Variants in TNPO2 observed in about 807,000 individuals in gnomAD.
TNPO2 encodes transportin-2.
TNPO2 carries 16 observed loss-of-function variants against 111.1 expected under a neutral mutation model. The ratio of observed to expected loss-of-function variants is 0.14; its 90% CI spans 0.10 to 0.22. The LOEUF (loss-of-function observed/expected upper bound fraction) is 0.22. Ranked by LOEUF, TNPO2 falls within the 10% of genes least tolerant of loss-of-function variation. TNPO2 has a pLI of 1.00. For missense variants in TNPO2, 530 were observed against 1,173.7 expected (o/e 0.45, Z 8.01); for synonymous variants, 481 against 475.8 (o/e 1.01, Z -0.14).
Position 12,702,726 on chromosome 19 carries a change from T to C in TNPO2, c.2305+97A>G, listed in dbSNP as rs1322075274. The C allele has an allele frequency of 1.5e-5, 17 of 1,125,070 alleles. No homozygotes were observed. The highest frequency in any genetic ancestry group is 2.3e-5 in the Non-Finnish European group (17 of 752,768). The allele number at this position is 1,125,070 out of a possible 1,614,324, so 69.7% of individuals were successfully genotyped here. A position where few individuals can be genotyped will look rare whatever the true frequency, so the allele number is the denominator to read the frequency against. ...AGGTACTTCCAGACACCCTCCTTGG[T>C]TCCTTGACAAGGCTCTTTCTGATGC... is the stretch of plus-strand genomic sequence containing the variant. On this transcript the variant is annotated intron_variant, in intron 21 of 25. Coordinates refer to ENST00000425528, the MANE Select transcript of TNPO2 (RefSeq NM_001382241.1). The surrounding 1 kb of genome is among the most constrained non-coding windows in gnomAD (Gnocchi z 5.5).
rs1257409211 is a variant in TNPO2, at chr19:12,701,727, G to A, written c.2511+25C>T. ...CCGCCCGAGCCCAGCGCCCGCGCCT[G>A]CCCTCAGAGCCCAGCTGCCCCAACC... On this transcript the variant is annotated intron_variant, in intron 23 of 25. Coordinates refer to ENST00000425528, the MANE Select transcript of TNPO2 (RefSeq NM_001382241.1). This position sits in a 1 kb window ranked among gnomAD's most constrained non-coding sequence, Gnocchi z 5.0. 1 of 1,613,024 alleles carries A rather than the reference G, an allele frequency of 6.2e-7. No individual in the cohort carries two copies. Among genetic ancestry groups the A allele is most frequent in the Admixed American group, 1.7e-5 (1 of 60,020 alleles).
At position 12,705,892 on chromosome 19, in the gene TNPO2, G is replaced by A; in HGVS notation, c.1669-124C>T. 1 of 756,674 alleles carries A rather than the reference G, an allele frequency of 1.3e-6. No individual in the cohort carries two copies. Among genetic ancestry groups the A allele is most frequent in the Non-Finnish European group, 2.1e-6 (1 of 479,918 alleles). 46.9% of individuals were successfully genotyped at this position (756,674 alleles called of 1,614,324 possible). On this transcript the variant is annotated intron_variant, in intron 15 of 25. Coordinates refer to ENST00000425528, the MANE Select transcript of TNPO2 (RefSeq NM_001382241.1). The surrounding 1 kb of genome is among the most constrained non-coding windows in gnomAD (Gnocchi z 7.2). The stretch of plus-strand genomic sequence containing the variant: ...TGGCTCATGGGACCCTGAAAGGCCT[G>A]CCATCTGGCCAGACCTCGAGGCCTT...
Position 12,706,895 on chromosome 19 carries a change from G to A in TNPO2, c.1271-100C>T. The A allele has an allele frequency of 1.0e-6, 1 of 1,000,648 alleles. No homozygotes were observed. The highest frequency in any genetic ancestry group is 1.5e-6 in the Non-Finnish European group (1 of 667,566). 62.0% of individuals were successfully genotyped at this position (1,000,648 alleles called of 1,614,324 possible). A position where few individuals can be genotyped will look rare whatever the true frequency, so the allele number is the denominator to read the frequency against. On this transcript the variant is annotated intron_variant, in intron 13 of 25. Transcript: ENST00000425528. The surrounding 1 kb of genome is among the most constrained non-coding windows in gnomAD (Gnocchi z 7.0). ...GCCGCACACAACATATAGGGAAACT[G>A]AGGCTTAGAGTTTAAATCACTGGCC...
chr19:12,701,417 T>C lies in TNPO2; in HGVS notation c.2623A>G (p.Asn875Asp), dbSNP rs1471516215. 6.2e-7 allele frequency: 1 copy of C among 1,613,952 alleles called. No individual in the cohort carries two copies. Among genetic ancestry groups the C allele is most frequent in the East Asian group, 2.2e-5 (1 of 44,868 alleles). The change falls in exon 25 of 26, where the codon AAC becomes GAC. Residue 875 changes from asparagine to aspartate, a missense_variant. Physicochemically the swap from Asn to Asp is conservative, Grantham distance 23. This residue lies in a region of TNPO2 where 103 missense variants were observed against 156.7 expected (regional missense o/e 0.66). Transcript: ENST00000425528. The surrounding 1 kb of genome is among the most constrained non-coding windows in gnomAD (Gnocchi z 5.0). ...AATTGCTCAGAGAACTGCTGCCAGT[T>C]ATCTTCCCCAACTTGGTCTTTGAAG... ...HGFKDQVGED[N>D]WQQFSEQFPP...
chr19:12,719,166 C>T lies in TNPO2; in HGVS notation c.188G>A (p.Arg63His). The T allele has an allele frequency of 6.2e-7, 1 of 1,613,888 alleles. No individual in the cohort carries two copies. The highest frequency in any genetic ancestry group is 8.5e-7 in the Non-Finnish European group (1 of 1,179,878). ...TRLKSEDEPT[R>H]SLSGLILKNN... is the part of the protein sequence containing the mutation. ...CTTGAGGATGAGGCCACTGAGAGAG[C>T]GCGTTGGCTCATCTGGGAGGAGGAA... is the stretch of plus-strand genomic sequence containing the variant. The change falls in exon 5 of 26, where the codon CGC becomes CAC. Residue 63 changes from arginine (R) to histidine (H), a missense_variant. Around this residue, in one of 4 missense-constraint regions of TNPO2, gnomAD observed 156 missense variants for 405.8 expected, o/e 0.38. Transcript: ENST00000425528. The surrounding 1 kb of genome is among the most constrained non-coding windows in gnomAD (Gnocchi z 5.0).
rs1200113732 is a variant in TNPO2 at position 12,713,508 on chromosome 19, TAAATAAATAAAC to T, written c.890+1301_890+1312del. 4.5e-4 allele frequency among the ~76,000 whole-genome samples: 66 copies of T among 145,242 alleles called. 2 individuals are homozygous for T. The highest frequency in any genetic ancestry group is 1.5e-3 in the African/African-American group (52 of 35,440). ...ATAAATAAATAAATAAATAAATAAA[TAAATAAATAAAC>T]ATACAATATGCTGGGCGTGGTGACT... is the stretch of plus-strand genomic sequence containing the variant. On this transcript the variant is annotated intron_variant, in intron 10 of 25. Coordinates refer to ENST00000425528, the MANE Select transcript of TNPO2 (RefSeq NM_001382241.1).
At chr19:12,720,744 T>C in intron 3 of TNPO2, 135 bp downstream of exon 3, 1 of 1,072,848 alleles carries the variant, frequency 9.3e-7, no homozygotes, top group Non-Finnish European at 1.3e-6. Context: ...AATCCTTCTC[T>C]GTCCAGGGCA....
In TNPO2 at chr19:12,719,551, T is replaced by C. The variant is rs1162744120; in HGVS notation, c.100-215A>G. Among the ~76,000 whole-genome samples, 1 of 152,080 alleles carries C rather than the reference T, an allele frequency of 6.6e-6. No individual in the cohort carries two copies. Among genetic ancestry groups the C allele is most frequent in the African/African-American group, 2.4e-5 (1 of 41,406 alleles). On this transcript the variant is annotated intron_variant, in intron 3 of 25. Transcript: ENST00000425528. The surrounding 1 kb of genome is among the most constrained non-coding windows in gnomAD (Gnocchi z 5.0). ...TGGCTCACGCCTGTAATCCCAGCAC[T>C]TTTTGGGAGGTCAAGGCGGGTGGAT...
intron 10 of TNPO2, 103 bp from the exon 11 acceptor site, chr19:12,711,716 G>GCCC: frequency 1.0e-6 from 1 of 955,318 alleles, no homozygotes; most frequent in Admixed American, 2.0e-5. Flanking sequence ...AGAGTGACCA[G>GCCC]CCCCCCAATC....
Position 12,719,399 on chromosome 19 carries a change from GT to G in TNPO2, c.100-64del. The stretch of plus-strand genomic sequence containing the variant: ...TCCCCCAGCCAGGTCCCCTCATTAT[GT>G]ACCTGACACTATCTCTGACCACTGG... On this transcript the variant is annotated intron_variant, in intron 3 of 25. Coordinates refer to ENST00000425528, the MANE Select transcript of TNPO2 (RefSeq NM_001382241.1). The surrounding 1 kb of genome is among the most constrained non-coding windows in gnomAD (Gnocchi z 5.0). 7.1e-7 allele frequency: 1 copy of G among 1,412,590 alleles called. No individual in the cohort carries two copies. Among genetic ancestry groups the G allele is most frequent in the African/African-American group, 1.4e-5 (1 of 70,558 alleles). 87.5% of individuals were successfully genotyped at this position (1,412,590 alleles called of 1,614,324 possible).
Position 12,711,541 on chromosome 19 carries a change from G to A in TNPO2, c.951+12C>T. On this transcript the variant is annotated intron_variant, in intron 11 of 25. Coordinates refer to ENST00000425528, the MANE Select transcript of TNPO2 (RefSeq NM_001382241.1). Reference sequence around the variant, plus strand: ...GCCCATGCCCACCCATGCTGGGTGGGCCCTGCCTGACCTTGAGCAGGATGA... The same window carrying A: ...GCCCATGCCCACCCATGCTGGGTGGACCCTGCCTGACCTTGAGCAGGATGA... 1 of 1,613,882 alleles carries A rather than the reference G, an allele frequency of 6.2e-7. No individual in the cohort carries two copies. The highest frequency in any genetic ancestry group is 8.5e-7 in the Non-Finnish European group (1 of 1,179,842).
At chr19:12,711,950 C>T (rs567767836) in intron 10 of TNPO2, among the ~76,000 whole-genome samples, 1 of 151,092 alleles carries the variant, frequency 6.6e-6, no homozygotes, top group Non-Finnish European at 1.5e-5. Context: ...ACAGAGGACA[C>T]GAGCTGTTCC....
rs760613507 is a variant in TNPO2 at position 12,720,860 on chromosome 19, C to CGGAA, written c.99+15_99+18dup. 7.6e-6 allele frequency: 12 copies of CGGAA among 1,577,372 alleles called. No individual in the cohort carries two copies. Among genetic ancestry groups the CGGAA allele is most frequent in the South Asian group, 1.2e-5 (1 of 86,572 alleles). ...CGCATCTACCCGGCTCCCCCAGCCC[C>CGGAA]GGAAGGAAGGAAGGATACATCCTGC... is the stretch of plus-strand genomic sequence containing the variant. On this transcript the variant is annotated intron_variant, in intron 3 of 25. Transcript: ENST00000425528.
intron 20 of TNPO2, 92 bp downstream of exon 20, chr19:12,703,336 T>C: frequency 8.2e-7 from 1 of 1,216,390 alleles, no homozygotes; most frequent in Non-Finnish European, 1.2e-6. Flanking sequence ...GAGACTTGCC[T>C]TGAAGGAAGC....
In TNPO2 at chr19:12,711,330, G is replaced by A. The variant is rs377066702; in HGVS notation, c.1083C>T (p.Asp361=). 10 of 1,613,816 alleles carry A rather than the reference G, an allele frequency of 6.2e-6. No homozygotes were observed. The East Asian group carries it at 1.6e-4, about 25-fold the overall frequency. ...AGTCGGACAGAGCATCATCATCATC[G>A]TCATCCTCCGCGTCCTCGGAGCCAT... ...RPDGSEDAED[D]DDDDALSDWN... The change falls in exon 12 of 26, where the codon GAC becomes GAT. Residue 361 remains aspartate (D), a synonymous_variant. Coordinates refer to ENST00000425528, the MANE Select transcript of TNPO2 (RefSeq NM_001382241.1).
Position 12,711,129 on chromosome 19 carries a change from C to A in TNPO2, c.1117+167G>T, listed in dbSNP as rs562162101. On this transcript the variant is annotated intron_variant, in intron 12 of 25. Transcript: ENST00000425528. The stretch of plus-strand genomic sequence containing the variant: ...CAGGATGGTGTTGATCTCCTGACCT[C>A]GTGATCCGCCCGCCTCAGCCTTCCA... 30 of 795,830 alleles carry A rather than the reference C, an allele frequency of 3.8e-5. No individual in the cohort carries two copies. In the Admixed American group the frequency reaches 8.1e-4, roughly 21 times the overall value. The allele number at this position is 795,830 out of a possible 1,614,324, so 49.3% of individuals were successfully genotyped here.
rs2025279395 is a variant in TNPO2, at chr19:12,701,262, G to C, written c.*21-19C>G. On this transcript the variant is annotated intron_variant, in intron 25 of 25. Coordinates refer to ENST00000425528, the MANE Select transcript of TNPO2 (RefSeq NM_001382241.1). The surrounding 1 kb of genome is among the most constrained non-coding windows in gnomAD (Gnocchi z 5.0). ...CAGAAACCTGCAGGGGGAGGAGGAAGGTCATGGCCTGGGACCTTTCGGCCC... is the reference window on the plus strand; with the variant it reads ...CAGAAACCTGCAGGGGGAGGAGGAACGTCATGGCCTGGGACCTTTCGGCCC... The C allele has an allele frequency of 9.2e-7, 1 of 1,085,836 alleles. No individual in the cohort carries two copies. The allele number at this position is 1,085,836 out of a possible 1,614,324, so 67.3% of individuals were successfully genotyped here.
rs945805177 is a variant in TNPO2 at position 12,719,517 on chromosome 19, C to T, written c.100-181G>A. Among the ~76,000 whole-genome samples, 2 of 152,108 alleles carry T rather than the reference C, an allele frequency of 1.3e-5. No homozygotes were observed. Among genetic ancestry groups the T allele is most frequent in the African/African-American group, 2.4e-5 (1 of 41,420 alleles). On this transcript the variant is annotated intron_variant, in intron 3 of 25. Transcript: ENST00000425528. This position sits in a 1 kb window ranked among gnomAD's most constrained non-coding sequence, Gnocchi z 5.0. ...GACACGTCAAATTCATATAAGGGGC[C>T]GGGCGCGGTGGCTCACGCCTGTAAT...
At position 12,719,072 on chromosome 19, in the gene TNPO2, G is replaced by C. The variant is rs1478396316; in HGVS notation, c.282C>G (p.Leu94=). The change falls in exon 5 of 26, where the codon CTC becomes CTG. Residue 94 remains leucine (L), a synonymous_variant. Transcript: ENST00000425528. This position sits in a 1 kb window ranked among gnomAD's most constrained non-coding sequence, Gnocchi z 5.0. ...PVADFIKQEC[L]NNIGDASSLI... ...GCGAGGAGGCATCGCCAATGTTGTT[G>C]AGACACTCCTGTTTGATGAAGTCTG... is the stretch of plus-strand genomic sequence containing the variant. 6.2e-7 allele frequency: 1 copy of C among 1,613,998 alleles called. No individual in the cohort carries two copies. The highest frequency in any genetic ancestry group is 1.7e-5 in the Admixed American group (1 of 60,032).
Sources: allele counts gnomAD v4.1 joint callset (sites outside exome capture counted in the v4.1 genomes callset), GRCh38; gene constraint gnomAD v4.1.1; regional missense constraint gnomAD v4.1.1; non-coding constraint Gnocchi (gnomAD v3.1); transcripts MANE v1.5; gene names NCBI Gene and HGNC (gene_info 2026-07-23, HGNC 2026-07-21).